The following FRMD4A variants were observed in gnomAD, a reference collection of about 807,000 sequenced individuals.
The protein encoded by FRMD4A is FERM domain containing 4A, also known as FERM domain-containing protein 4A.
FRMD4A carries 29 observed loss-of-function variants against 129.1 expected under a neutral mutation model. The observed-to-expected ratio is 0.22, with a 90% CI of 0.17 to 0.31. The LOEUF (loss-of-function observed/expected upper bound fraction) is 0.31, where lower values mean the gene tolerates loss of function less well. Among genes scored for constraint, FRMD4A ranks in the 10% least tolerant of loss-of-function variants. FRMD4A has a pLI of 1.00. For synonymous variants in FRMD4A, 634 were observed against 571.6 expected, an observed-to-expected ratio of 1.11 and a Z score of -1.56; for missense variants, 1,272 against 1,375.8, an observed-to-expected ratio of 0.92 and a Z score of 1.19.
intron 9 of FRMD4A, among the ~76,000 whole-genome samples, chr10:13,743,659 G>A (rs535543170): frequency 5.9e-5 from 9 of 152,102 alleles, no homozygotes; most frequent in African/African-American, 1.2e-4. Context: ...AATCTTTGCC[G>A]CCCCCTGTTT....
intron 2 of FRMD4A, among the ~76,000 whole-genome samples, chr10:14,281,245 G>T (rs1033731802): frequency 2.6e-5 from 4 of 152,218 alleles, no homozygotes; most frequent in African/African-American, 7.2e-5. Context: ...GCCAGCCTTG[G>T]CCTCCCAAAG....
chr10:14,188,777 G>A (rs924671094), intron 2 of FRMD4A, among the ~76,000 whole-genome samples: 1 of 152,212 alleles, frequency 6.6e-6, no homozygotes, highest in African/African-American at 2.4e-5. Context: ...CCAGTGGCAT[G>A]CGCCTGTGGT....
At chr10:13,652,037 C>G in intron 23 of FRMD4A, 63 bp from the exon 24 acceptor site, 2 of 857,076 alleles carry the variant, frequency 2.3e-6, no homozygotes, top group South Asian at 1.3e-5. Context: ...GACACTGACA[C>G]AGACACAGAC....
intron 2 of FRMD4A, among the ~76,000 whole-genome samples, chr10:14,214,987 T>C (rs1301596429): frequency 1.3e-5 from 2 of 152,240 alleles, no homozygotes; most frequent in African/African-American, 4.8e-5. Context: ...TTGCAACTTA[T>C]TATTGAGGCT....
At chr10:13,690,222 T>C (rs991000507) in intron 15 of FRMD4A, among the ~76,000 whole-genome samples, 2 of 152,190 alleles carry the variant, frequency 1.3e-5, no homozygotes, top group African/African-American at 4.8e-5. Context: ...GAACACATTC[T>C]AGGCAAGAGG....
chr10:14,036,151 C>T (rs1833492844), intron 2 of FRMD4A, among the ~76,000 whole-genome samples: 1 of 152,292 alleles, frequency 6.6e-6, no homozygotes, highest in East Asian at 1.9e-4. Context: ...AGAAAGTCCA[C>T]GTGGTGAAGC....
intron 2 of FRMD4A, among the ~76,000 whole-genome samples, chr10:13,864,574 T>C (rs1051930210): frequency 6.0e-5 from 9 of 150,066 alleles, no homozygotes; most frequent in Non-Finnish European, 1.2e-4. Context: ...TCCTTCTTTC[T>C]TTCTTTTTTT....
intron 9 of FRMD4A, among the ~76,000 whole-genome samples, chr10:13,746,665 A>G (rs12218353): frequency 0.32 from 48,763 of 152,092 alleles, 8,327 homozygotes; most frequent in Middle Eastern, 0.46. Flanking sequence ...CACGTATTGT[A>G]GTTTATTAGA....
At chr10:14,038,729 T>C (rs552670847) in intron 2 of FRMD4A, among the ~76,000 whole-genome samples, 46 of 152,306 alleles carry the variant, frequency 3.0e-4, no homozygotes, top group African/African-American at 1.0e-3. Flanking sequence ...TGCGAGAGCA[T>C]CAACTACCCC....
intron 5 of FRMD4A, among the ~76,000 whole-genome samples, chr10:13,792,821 A>G (rs1199347518): frequency 6.6e-6 from 1 of 152,194 alleles, no homozygotes; most frequent in African/African-American, 2.4e-5. Flanking sequence ...GCAGGATCTG[A>G]GTCCTCCCTT....
At chr10:14,123,896 C>A (rs1838678679) in intron 2 of FRMD4A, among the ~76,000 whole-genome samples, 1 of 152,162 alleles carries the variant, frequency 6.6e-6, no homozygotes, top group Non-Finnish European at 1.5e-5. Flanking sequence ...ACGTCTTGCA[C>A]CTTTCATACT....
chr10:14,005,733 G>T (rs1398011832), intron 2 of FRMD4A, among the ~76,000 whole-genome samples: 3 of 152,174 alleles, frequency 2.0e-5, no homozygotes, highest in African/African-American at 7.2e-5. Context: ...TACAATGCCA[G>T]GTCCCTGGAT....
chr10:14,041,149 CTTT>C (rs1202322192), intron 2 of FRMD4A, among the ~76,000 whole-genome samples: 1 of 152,104 alleles, frequency 6.6e-6, no homozygotes, highest in Non-Finnish European at 1.5e-5. Flanking sequence ...GTTTCTTCTT[CTTT>C]GTTTTGTTTT....
intron 2 of FRMD4A, among the ~76,000 whole-genome samples, chr10:14,266,697 T>A (rs537838448): frequency 1.3e-5 from 2 of 152,236 alleles, no homozygotes; most frequent in Non-Finnish European, 2.9e-5. Flanking sequence ...CTGCAGAGTA[T>A]GCACTAATTG....
rs80191339 is a variant in FRMD4A, at chr10:13,948,054, G to GA, written c.46-89143dup. ...CTCTATAAAAAATAAAAAGTAAATT[G>GA]AAAAAAAAAAAAACACCTTATCAGT... On this transcript the variant is annotated intron_variant, in intron 2 of 24. Coordinates refer to ENST00000357447, the MANE Select transcript of FRMD4A (RefSeq NM_018027.5). Among the ~76,000 whole-genome samples, 1,104 of 136,398 alleles carry GA rather than the reference G, an allele frequency of 8.1e-3. 13 individuals carry two copies. Among genetic ancestry groups the GA allele is most frequent in the African/African-American group, 0.025 (909 of 36,408 alleles). 89.5% of individuals were successfully genotyped at this position (136,398 alleles called of 152,430 possible). A position where few individuals can be genotyped will look rare whatever the true frequency, so the allele number is the denominator to read the frequency against.
chr10:14,203,236 T>A (rs1169591563), intron 2 of FRMD4A, among the ~76,000 whole-genome samples: 4 of 152,222 alleles, frequency 2.6e-5, no homozygotes, highest in Non-Finnish European at 4.4e-5. Context: ...ATAGATTTTT[T>A]AAATAAATAA....
chr10:14,146,314 G>A (rs1343441189), intron 2 of FRMD4A, among the ~76,000 whole-genome samples: 1 of 152,168 alleles, frequency 6.6e-6, no homozygotes, highest in Non-Finnish European at 1.5e-5. Flanking sequence ...TACAAGACGT[G>A]GAAAATAGCC....
chr10:14,210,984 C>T (rs1182365217), intron 2 of FRMD4A, among the ~76,000 whole-genome samples: 2 of 152,120 alleles, frequency 1.3e-5, no homozygotes, highest in Non-Finnish European at 2.9e-5. Flanking sequence ...GCCTTGGCTT[C>T]CCAAAGTGCT....
intron 12 of FRMD4A, among the ~76,000 whole-genome samples, chr10:13,730,934 A>G (rs2135020166): frequency 6.6e-6 from 1 of 151,508 alleles, no homozygotes; most frequent in Non-Finnish European, 1.5e-5. Context: ...AGGCTGAACC[A>G]GCAGAATTGC....
Sources: gnomAD v4.1 joint callset for allele counts (sites outside exome capture counted in the v4.1 genomes callset) on GRCh38, gnomAD v4.1.1 for gene constraint, MANE v1.5 for transcripts, NCBI Gene and HGNC (gene_info 2026-07-23, HGNC 2026-07-21) for gene names.